Variants in ADCY2 observed in about 807,000 individuals in gnomAD.
The protein encoded by ADCY2 is adenylate cyclase type 2.
Under a neutral mutation model 125.2 loss-of-function variants are expected in ADCY2, and 31 were observed. The ratio of observed to expected loss-of-function variants is 0.25; its 90% CI spans 0.19 to 0.33. The LOEUF is 0.33. Among genes scored for constraint, ADCY2 ranks in the 10% least tolerant of loss-of-function variants. The pLI, the probability that ADCY2 is intolerant of heterozygous loss-of-function variation, is 1.00. For missense variants in ADCY2, 904 were observed against 1,418.2 expected, an observed-to-expected ratio of 0.64 and a Z score of 5.82; for synonymous variants, 512 against 548.4, an observed-to-expected ratio of 0.93 and a Z score of 0.93.
chr5:7,417,372 T>G (rs1739995050), intron 2 of ADCY2, among the ~76,000 whole-genome samples: 1 of 152,218 alleles, frequency 6.6e-6, no homozygotes, highest in Non-Finnish European at 1.5e-5. Flanking sequence ...TTCTGTTAGT[T>G]GATCTGAGAC....
chr5:7,539,027 CTAATTTTT>C (rs1235233323), intron 3 of ADCY2, among the ~76,000 whole-genome samples: 1 of 151,872 alleles, frequency 6.6e-6, no homozygotes, highest in Non-Finnish European at 1.5e-5. Flanking sequence ...CCACACCCAG[CTAATTTTT>C]TATCTTTAGT....
intron 2 of ADCY2, among the ~76,000 whole-genome samples, chr5:7,444,280 A>AT (rs34033324): frequency 0.046 from 6,957 of 151,364 alleles, 192 homozygotes; most frequent in South Asian, 0.086. Context: ...CGCCTGGTTA[A>AT]TTTTTTTTGT....
At chr5:7,399,218 A>G (rs1739173705) in intron 1 of ADCY2, among the ~76,000 whole-genome samples, 1 of 152,180 alleles carries the variant, frequency 6.6e-6, no homozygotes, top group Non-Finnish European at 1.5e-5. Context: ...GATTTCCATT[A>G]GACTTTCATC....
chr5:7,487,701 A>T (rs1219674307), intron 2 of ADCY2, among the ~76,000 whole-genome samples: 2 of 152,220 alleles, frequency 1.3e-5, no homozygotes, highest in Non-Finnish European at 2.9e-5. Flanking sequence ...TCCCAATGAG[A>T]CATTTAAAAT....
intron 17 of ADCY2, among the ~76,000 whole-genome samples, chr5:7,767,994 G>A (rs1246193545): frequency 1.3e-5 from 2 of 151,656 alleles, no homozygotes; most frequent in African/African-American, 4.8e-5. Flanking sequence ...TCGTGCCACT[G>A]CACTCCAGCC....
intron 14 of ADCY2, among the ~76,000 whole-genome samples, chr5:7,742,283 C>A (rs62342476): frequency 0.058 from 8,867 of 152,194 alleles, 379 homozygotes; most frequent in Non-Finnish European, 0.086. Context: ...GCACTCCTCC[C>A]GCTGCTGCAG....
At chr5:7,679,703 T>G (rs550186630) in intron 4 of ADCY2, among the ~76,000 whole-genome samples, 1 of 152,300 alleles carries the variant, frequency 6.6e-6, no homozygotes, top group East Asian at 1.9e-4. Flanking sequence ...TGGGCAGATA[T>G]TGACTACGCT....
At chr5:7,778,510 A>G (rs1743813270) in intron 18 of ADCY2, among the ~76,000 whole-genome samples, 1 of 152,232 alleles carries the variant, frequency 6.6e-6, no homozygotes, top group Non-Finnish European at 1.5e-5. Context: ...CAGCAGTGAT[A>G]AACAGTGCTT....
chr5:7,595,770 C>T (rs1306393229), intron 3 of ADCY2, among the ~76,000 whole-genome samples: 3 of 152,140 alleles, frequency 2.0e-5, no homozygotes, highest in South Asian at 2.1e-4. Flanking sequence ...CTCTTGGATA[C>T]ATTAAATCAC....
At chr5:7,467,279 C>G (rs1276838006) in intron 2 of ADCY2, among the ~76,000 whole-genome samples, 3 of 152,192 alleles carry the variant, frequency 2.0e-5, no homozygotes, top group African/African-American at 7.2e-5. Context: ...CTCTTGGATG[C>G]TGATAGCCCT....
At chr5:7,654,897 GA>G (rs1214324193) in intron 4 of ADCY2, among the ~76,000 whole-genome samples, 2 of 152,170 alleles carry the variant, frequency 1.3e-5, no homozygotes, top group African/African-American at 4.8e-5. Flanking sequence ...CTGTTTAGGG[GA>G]AAAAATGCAA....
rs1045012069 is a variant in ADCY2, at chr5:7,519,894, T to C, written c.409-844T>C. On this transcript the variant is annotated intron_variant, in intron 2 of 24. Coordinates refer to ENST00000338316, the MANE Select transcript of ADCY2 (RefSeq NM_020546.3). Reference sequence around the variant, plus strand: ...GTTTACTTATTCTGGATATTTGATGTAAAAGGAATCATACACTATGAGGTC... The same window carrying C: ...GTTTACTTATTCTGGATATTTGATGCAAAAGGAATCATACACTATGAGGTC... 2.6e-5 allele frequency among the ~76,000 whole-genome samples: 4 copies of C among 152,350 alleles called. No homozygotes were observed. The East Asian group carries it at 7.7e-4, about 29-fold the overall frequency.
At chr5:7,563,188 C>T (rs1450503156) in intron 3 of ADCY2, among the ~76,000 whole-genome samples, 1 of 152,176 alleles carries the variant, frequency 6.6e-6, no homozygotes, top group African/African-American at 2.4e-5. Context: ...ATGGAACCAA[C>T]ATGAACTTGC....
chr5:7,660,321 AAGG>A (rs1409185351), intron 4 of ADCY2, among the ~76,000 whole-genome samples: 2 of 151,352 alleles, frequency 1.3e-5, no homozygotes, highest in Admixed American at 1.3e-4. Context: ...AGGAAAAGGG[AAGG>A]AGAAGCTATA....
intron 3 of ADCY2, among the ~76,000 whole-genome samples, chr5:7,574,675 C>T (rs1174263199): frequency 6.6e-6 from 1 of 152,152 alleles, no homozygotes; most frequent in Non-Finnish European, 1.5e-5. Flanking sequence ...ATATACTACC[C>T]CTGACCTTTA....
At chr5:7,546,167 G>T (rs1245890205) in intron 3 of ADCY2, among the ~76,000 whole-genome samples, 1 of 152,150 alleles carries the variant, frequency 6.6e-6, no homozygotes, top group Non-Finnish European at 1.5e-5. Context: ...TTCTTGTGCG[G>T]ATTCCTATGG....
At chr5:7,528,789 T>C (rs1734553153) in intron 3 of ADCY2, among the ~76,000 whole-genome samples, 1 of 152,230 alleles carries the variant, frequency 6.6e-6, no homozygotes, top group African/African-American at 2.4e-5. Context: ...GTTTGATCCA[T>C]TACTTACAAA....
chr5:7,540,987 C>T (rs1734976843), intron 3 of ADCY2, among the ~76,000 whole-genome samples: 1 of 152,164 alleles, frequency 6.6e-6, no homozygotes. Flanking sequence ...GAACGTTCTC[C>T]TAATGCTGTG....
At chr5:7,451,770 T>A (rs890212562) in intron 2 of ADCY2, among the ~76,000 whole-genome samples, 1 of 151,838 alleles carries the variant, frequency 6.6e-6, no homozygotes, top group Non-Finnish European at 1.5e-5. Context: ...TCCTTTTAAA[T>A]TTTTTTTTAT....
Sources: gnomAD v4.1 joint callset for allele counts (sites outside exome capture counted in the v4.1 genomes callset) on GRCh38, gnomAD v4.1.1 for gene constraint, MANE v1.5 for transcripts, NCBI Gene and HGNC (gene_info 2026-07-23, HGNC 2026-07-21) for gene names.